The following DDX43 variants were observed in gnomAD, a reference collection of about 807,000 sequenced individuals.
DDX43 encodes probable ATP-dependent RNA helicase DDX43.
DDX43 carries 50 observed loss-of-function variants against 84.9 expected under a neutral mutation model. That is an observed-to-expected ratio of 0.59 (90% confidence interval 0.47 to 0.75). The LOEUF (loss-of-function observed/expected upper bound fraction) is 0.75, where lower values mean the gene tolerates loss of function less well. DDX43 is among the 30% of genes least tolerant of loss of function. The probability of loss-of-function intolerance (pLI) is 0.00; values close to 1 mark genes in which losing one functional copy is unlikely to be tolerated. For synonymous variants in DDX43, 291 were observed against 266.3 expected (o/e 1.09, Z -0.90); for missense variants, 689 against 798.6 (o/e 0.86, Z 1.65).
chr6:73,412,349 C>A, intron 11 of DDX43, 57 bp downstream of exon 11: 1 of 1,497,984 alleles, frequency 6.7e-7, no homozygotes, highest in Non-Finnish European at 9.2e-7. Context: ...CTGAAGATAG[C>A]TAATTTTGGT....
In DDX43 at chr6:73,394,922, G is replaced by A. The variant is rs35097680; in HGVS notation, c.17G>A (p.Gly6Glu). 2.9e-3 allele frequency: 4,695 copies of A among 1,614,190 alleles called. 110 individuals are homozygous for A. The African/African-American group carries it at 0.055, about 19-fold the overall frequency. ...CTTGGAACAATGTCCCACCACGGAG[G>A]AGCTCCCAAGGCCTCTACGTGGGTC... MSHHG[G>E]APKASTWVVA... Residue 6 changes from glycine to glutamate, a missense_variant, in exon 1 of 17, where the codon GGA (glycine) becomes GAA (glutamate). This residue lies in a region of DDX43 where 137 missense variants were observed against 105.9 expected (regional missense o/e 1.29). Coordinates refer to ENST00000370336, the MANE Select transcript of DDX43 (RefSeq NM_018665.3).
rs2150796197 is a variant in DDX43 at position 73,407,632 on chromosome 6, C to T, written c.1037+17C>T. 1 of 1,466,272 alleles carries T rather than the reference C, an allele frequency of 6.8e-7. No homozygotes were observed. Among genetic ancestry groups the T allele is most frequent in the Non-Finnish European group, 9.5e-7 (1 of 1,048,954 alleles). The allele number at this position is 1,466,272 out of a possible 1,614,324, so 90.8% of individuals were successfully genotyped here. ...GCTTCGGAGGTAAGTAATTTTTTTT[C>T]CCATTCCTTCACCAGTATCATATTT... is the stretch of plus-strand genomic sequence containing the variant. On this transcript the variant is annotated intron_variant, in intron 8 of 16. Transcript: ENST00000370336.
intron 14 of DDX43, among the ~76,000 whole-genome samples, chr6:73,415,171 G>A (rs1007686994): frequency 6.6e-5 from 10 of 152,052 alleles, no homozygotes; most frequent in South Asian, 4.1e-4. Flanking sequence ...GGTGGCGGGC[G>A]CCTGTAGTCC....
intron 2 of DDX43, among the ~76,000 whole-genome samples, chr6:73,398,458 G>A (rs1191546870): frequency 6.6e-6 from 1 of 152,086 alleles, no homozygotes; most frequent in Non-Finnish European, 1.5e-5. Flanking sequence ...CACCATGTTG[G>A]CCAGGCTAGT....
chr6:73,402,208 G>A (rs1053423192), intron 4 of DDX43, among the ~76,000 whole-genome samples: 17 of 152,064 alleles, frequency 1.1e-4, no homozygotes, highest in Non-Finnish European at 1.8e-4. Flanking sequence ...GTCTGTCAGC[G>A]GTAATTCACT....
chr6:73,409,365 T>C lies in DDX43; in HGVS notation c.1280+17T>C. On this transcript the variant is annotated intron_variant, in intron 10 of 16. Coordinates refer to ENST00000370336, the MANE Select transcript of DDX43 (RefSeq NM_018665.3). ...TATGACCAGGTACGTATATGCTTAA[T>C]TACTGTGTGCAGAATAGAAATCAGT... 4.5e-6 allele frequency: 7 copies of C among 1,544,156 alleles called. No individual in the cohort carries two copies. The highest frequency in any genetic ancestry group is 5.4e-6 in the Non-Finnish European group (6 of 1,116,466).
In DDX43 at chr6:73,405,683, G is replaced by GAAAAT. The variant is rs1769662820; in HGVS notation, c.656_660dup (p.Phe221LysfsTer5). 3 of 1,611,550 alleles carry GAAAAT rather than the reference G, an allele frequency of 1.9e-6. No individual in the cohort carries two copies. In the Admixed American group the frequency reaches 5.1e-5, roughly 27 times the overall value. ...GATGTTTTTTATTCTTTGAAGGAAA[G>GAAAAT]AAAATTTTAATATAACGTGGGATGA... On this transcript the variant is annotated frameshift_variant, in exon 6 of 17. Coordinates refer to ENST00000370336, the MANE Select transcript of DDX43 (RefSeq NM_018665.3). LOFTEE classifies it high-confidence loss of function.
intron 9 of DDX43, 44 bp downstream of exon 9, chr6:73,408,145 A>G: frequency 6.2e-7 from 1 of 1,602,234 alleles, no homozygotes; most frequent in Non-Finnish European, 8.5e-7. Context: ...TTCAAAAATA[A>G]CTGAACTGGC....
Position 73,406,375 on chromosome 6 carries a change from G to A in DDX43, c.819G>A (p.Trp273Ter). Residue 273 changes from tryptophan (W) to a stop codon, truncating the protein, a stop_gained, in exon 7 of 17, where the codon TGG becomes TGA. Transcript: ENST00000370336. LOFTEE classifies it high-confidence loss of function. ...TCATTCCGTTTCAGTCACAGGCATG[G>A]CCCATTGTGTTGCAAGGAATAGATC... ...QKPTPIQSQA[W>*]PIVLQGIDLI... is the part of the protein sequence containing the mutation. 1 of 1,608,188 alleles carries A rather than the reference G, an allele frequency of 6.2e-7. No homozygotes were observed. Among genetic ancestry groups the A allele is most frequent in the African/African-American group, 1.3e-5 (1 of 74,836 alleles).
intron 1 of DDX43, among the ~76,000 whole-genome samples, chr6:73,395,949 T>C (rs183303649): frequency 5.3e-5 from 8 of 152,096 alleles, no homozygotes; most frequent in African/African-American, 1.4e-4. Flanking sequence ...ATTCTGAATT[T>C]TTAATTTTTT....
rs561592624 is a variant in DDX43 at position 73,414,540 on chromosome 6, C to G, written c.1607-8C>G. Reference sequence around the variant, plus strand: ...ATGGTTCAGTGTTCATTTGGCTTTACTTTTTAGGCAAAGTGAGAATACTAA... The same window carrying G: ...ATGGTTCAGTGTTCATTTGGCTTTAGTTTTTAGGCAAAGTGAGAATACTAA... On this transcript the variant is annotated splice_polypyrimidine_tract_variant and splice_region_variant and intron_variant, in intron 13 of 16. Transcript: ENST00000370336. The G allele has an allele frequency of 6.2e-7, 1 of 1,608,354 alleles. No individual in the cohort carries two copies. The highest frequency in any genetic ancestry group is 8.5e-7 in the Non-Finnish European group (1 of 1,177,364).
intron 16 of DDX43, among the ~76,000 whole-genome samples, chr6:73,416,482 C>A (rs1046801948): frequency 5.9e-5 from 9 of 152,024 alleles, no homozygotes; most frequent in African/African-American, 1.7e-4. Context: ...GGTATACAAC[C>A]CAAGCATCCA....
intron 15 of DDX43, 110 bp downstream of exon 15, chr6:73,415,694 C>T (rs932128826): frequency 4.7e-5 from 34 of 730,536 alleles, no homozygotes; most frequent in South Asian, 3.7e-4. Flanking sequence ...GTTTTCATCA[C>T]GTTTTGAGGG....
intron 6 of DDX43, 91 bp from the exon 7 acceptor site, chr6:73,406,273 C>T (rs1381543816): frequency 6.0e-6 from 5 of 831,896 alleles, no homozygotes; most frequent in African/African-American, 3.4e-5. Flanking sequence ...CTGCCCGCCT[C>T]GGCCTCCCAA....
chr6:73,413,695 C>T lies in DDX43; in HGVS notation c.1406C>T (p.Thr469Ile), dbSNP rs1769847216. Residue 469 changes from threonine (T) to isoleucine (I), a missense_variant, in exon 12 of 17, where the codon ACC becomes ATC. Around this residue, in one of 2 missense-constraint regions of DDX43, gnomAD observed 552 missense variants for 692.7 expected, o/e 0.80. Coordinates refer to ENST00000370336, the MANE Select transcript of DDX43 (RefSeq NM_018665.3). ...SSVKQNIIVT[T>I]EEEKWSHMQT... The stretch of plus-strand genomic sequence containing the variant: ...GTGAAGCAAAATATAATTGTAACCA[C>T]CGAGGAAGAGAAATGGAGTCACATG... 4 of 1,613,576 alleles carry T rather than the reference C, an allele frequency of 2.5e-6. No homozygotes were observed. The highest frequency in any genetic ancestry group is 1.3e-5 in the African/African-American group (1 of 74,864).
intron 1 of DDX43, among the ~76,000 whole-genome samples, chr6:73,396,134 T>A (rs1260095518): frequency 6.6e-6 from 1 of 152,056 alleles, no homozygotes; most frequent in Non-Finnish European, 1.5e-5. Context: ...AATTTTTGTG[T>A]TTTTAGTAAA....
chr6:73,397,658 T>A, intron 1 of DDX43, 31 bp from the exon 2 acceptor site: 1 of 1,553,738 alleles, frequency 6.4e-7, no homozygotes, highest in Non-Finnish European at 8.9e-7. Flanking sequence ...TTTCAACTTA[T>A]AACAATATAT....
At chr6:73,403,816 A>ATTTT (rs35707346) in intron 4 of DDX43, among the ~76,000 whole-genome samples, 1 of 138,584 alleles carries the variant, frequency 7.2e-6, no homozygotes, top group Admixed American at 7.3e-5. Flanking sequence ...TGCCAGGCTA[A>ATTTT]TTTTTTTTTT....
At chr6:73,409,212 T>A (rs1027049512) in intron 9 of DDX43, 36 bp from the exon 10 acceptor site, 3 of 1,494,586 alleles carry the variant, frequency 2.0e-6, no homozygotes, top group Non-Finnish European at 2.8e-6. Flanking sequence ...CTGCCTCCCA[T>A]ATCTAATCTA....
Sources: gnomAD v4.1 joint callset for allele counts (sites outside exome capture counted in the v4.1 genomes callset) on GRCh38, gnomAD v4.1.1 for gene constraint, gnomAD v4.1.1 regional missense constraint, MANE v1.5 for transcripts, NCBI Gene and HGNC (gene_info 2026-07-23, HGNC 2026-07-21) for gene names.